EDA: variants seen among roughly 807,000 people sequenced by gnomAD.
EDA encodes the protein ectodysplasin-A.
In EDA, 2 loss-of-function variants were observed where a neutral mutation model predicts 23.6. The observed-to-expected ratio is 0.08, with a 90% CI of 0.03 to 0.27. The LOEUF (loss-of-function observed/expected upper bound fraction) is 0.27, where lower values mean the gene tolerates loss of function less well. EDA is among the 10% of genes least tolerant of loss of function. The pLI is 1.00. For missense variants in EDA, 229 were observed against 324.2 expected (o/e 0.71, Z 2.26); for synonymous variants, 131 against 132.0 (o/e 0.99, Z 0.05).
At chrX:69,831,899 G>A (rs1039018421) in intron 1 of EDA, among the ~76,000 whole-genome samples, 13 of 110,522 alleles carry the variant, frequency 1.2e-4, no homozygotes, top group Non-Finnish European at 2.3e-4. Flanking sequence ...TTTTTTTCTT[G>A]TAAATTTGTT....
At chrX:69,682,380 C>G (rs1331727721) in intron 1 of EDA, among the ~76,000 whole-genome samples, 1 of 112,770 alleles carries the variant, frequency 8.9e-6, no homozygotes, top group African/African-American at 3.2e-5. Flanking sequence ...CTTTGTTCAC[C>G]TAAGCAAGCC....
At chrX:69,962,677 C>T (rs899009722) in intron 2 of EDA, among the ~76,000 whole-genome samples, 3 of 111,380 alleles carry the variant, frequency 2.7e-5, no homozygotes, top group Admixed American at 1.9e-4. Context: ...ATGATCCTCA[C>T]GCCTCGGCCT....
chrX:69,735,558 C>G (rs901755300), intron 1 of EDA, among the ~76,000 whole-genome samples: 4 of 111,729 alleles, frequency 3.6e-5, no homozygotes, highest in African/African-American at 1.3e-4. Flanking sequence ...CTTCTCCAAG[C>G]TTTTGGTGTA....
chrX:69,854,769 C>T (rs940203197), intron 1 of EDA, among the ~76,000 whole-genome samples: 12 of 111,829 alleles, frequency 1.1e-4, no homozygotes, highest in Non-Finnish European at 2.3e-4. Flanking sequence ...AATGAACATA[C>T]GCATGCATGT....
At chrX:69,814,186 A>G (rs375463085) in intron 1 of EDA, among the ~76,000 whole-genome samples, 7 of 112,823 alleles carry the variant, frequency 6.2e-5, no homozygotes, top group Non-Finnish European at 9.4e-5. Context: ...GAGTGTGCAT[A>G]TGTACCCATA....
At chrX:69,651,064 T>C (rs1369616649) in intron 1 of EDA, among the ~76,000 whole-genome samples, 1 of 111,834 alleles carries the variant, frequency 8.9e-6, no homozygotes, top group Non-Finnish European at 1.9e-5. Context: ...GTTTGGATTC[T>C]GTTCTAAGTG....
chrX:69,948,516 C>A (rs2018867634), intron 1 of EDA, among the ~76,000 whole-genome samples: 2 of 111,947 alleles, frequency 1.8e-5, no homozygotes. Context: ...CCACCACCCC[C>A]ACCCCACTGG....
At chrX:69,768,182 C>CAA (rs911021851) in intron 1 of EDA, among the ~76,000 whole-genome samples, 1 of 111,543 alleles carries the variant, frequency 9.0e-6, no homozygotes, top group Admixed American at 9.5e-5. Context: ...GAAGAGTGAA[C>CAA]ATCTTTAATG....
At chrX:69,828,979 G>A (rs1335824967) in intron 1 of EDA, among the ~76,000 whole-genome samples, 1 of 112,166 alleles carries the variant, frequency 8.9e-6, no homozygotes, top group East Asian at 2.8e-4. Context: ...CATCGTTTCA[G>A]AAAGGGATTC....
Position 69,653,555 on chromosome X carries a change from G to A in EDA, c.396+36851G>A, listed in dbSNP as rs184686037. On this transcript the variant is annotated intron_variant, in intron 1 of 7. Coordinates refer to ENST00000374552, the MANE Select transcript of EDA (RefSeq NM_001399.5). ...GAGAGGGCATCCCTATCTTGTGCCCGTTTTCAAAGGGAATGCTTCCAGTTT... is the reference window on the plus strand; with the variant it reads ...GAGAGGGCATCCCTATCTTGTGCCCATTTTCAAAGGGAATGCTTCCAGTTT... 4.2e-3 allele frequency among the ~76,000 whole-genome samples: 465 copies of A among 111,187 alleles called. 3 individuals carry two copies. Among genetic ancestry groups the A allele is most frequent in the Admixed American group, 8.1e-3 (84 of 10,352 alleles).
At chrX:69,879,792 C>T (rs1757326566) in intron 1 of EDA, among the ~76,000 whole-genome samples, 1 of 111,726 alleles carries the variant, frequency 9.0e-6, no homozygotes, top group Admixed American at 9.5e-5. Flanking sequence ...TCCTCTGTGC[C>T]TGTGTAGCCT....
chrX:69,682,464 A>G (rs991812914), intron 1 of EDA, among the ~76,000 whole-genome samples: 3 of 112,037 alleles, frequency 2.7e-5, no homozygotes, highest in Non-Finnish European at 5.6e-5. Context: ...TGTGCTATCA[A>G]TCAGCGAGAC....
At chrX:69,819,898 C>CAAAAAAAAAA (rs61374631) in intron 1 of EDA, among the ~76,000 whole-genome samples, 1 of 46,618 alleles carries the variant, frequency 2.1e-5, no homozygotes, top group Non-Finnish European at 4.5e-5. Context: ...CATGTGGAAG[C>CAAAAAAAAAA]AAAAAAAAAA....
chrX:69,749,737 G>C (rs1047019880), intron 1 of EDA: 1 of 111,037 alleles, frequency 9.0e-6, no homozygotes, highest in Non-Finnish European at 1.9e-5. Context: ...TTGAGGCCCA[G>C]AGACAGGTAA....
chrX:69,718,987 G>A (rs763844672), intron 1 of EDA, among the ~76,000 whole-genome samples: 2 of 111,687 alleles, frequency 1.8e-5, no homozygotes, highest in East Asian at 5.6e-4. Context: ...ATAGTTACAA[G>A]TCTACTCAGA....
chrX:69,962,518 G>A (rs781188690), intron 2 of EDA, among the ~76,000 whole-genome samples: 90 of 111,674 alleles, frequency 8.1e-4, no homozygotes, highest in Non-Finnish European at 1.4e-3. Context: ...TGCAATCTCC[G>A]CCTCCTGGGT....
At chrX:69,761,188 A>C (rs758799935) in intron 1 of EDA, among the ~76,000 whole-genome samples, 22 of 110,820 alleles carry the variant, frequency 2.0e-4, no homozygotes, top group Non-Finnish European at 3.0e-4. Flanking sequence ...AAAAGGAAGA[A>C]TCAAGGATGC....
At chrX:69,751,527 A>G (rs1161361560) in intron 1 of EDA, among the ~76,000 whole-genome samples, 1 of 111,760 alleles carries the variant, frequency 8.9e-6, no homozygotes, top group Non-Finnish European at 1.9e-5. Context: ...TTGGTTCCAT[A>G]TGAACTTTAA....
intron 1 of EDA, among the ~76,000 whole-genome samples, chrX:69,859,879 A>T (rs1234853980): frequency 9.0e-6 from 1 of 111,487 alleles, no homozygotes; most frequent in Non-Finnish European, 1.9e-5. Context: ...GGTCTCTAAG[A>T]ACTTGCTTTA....
Sources: allele counts gnomAD v4.1 joint callset (sites outside exome capture counted in the v4.1 genomes callset), GRCh38; gene constraint gnomAD v4.1.1; transcripts MANE v1.5; gene names NCBI Gene and HGNC (gene_info 2026-07-23, HGNC 2026-07-21).